TRIM5: variants seen among roughly 807,000 people sequenced by gnomAD.
The protein encoded by TRIM5 is tripartite motif-containing protein 5.
A neutral mutation model predicts 35.6 loss-of-function variants in TRIM5; 31 were observed. The ratio of observed to expected loss-of-function variants is 0.87; its 90% CI spans 0.65 to 1.18. TRIM5 has a LOEUF of 1.18. Among genes scored for constraint, TRIM5 ranks in the 50% most tolerant of loss-of-function variants. TRIM5 has a pLI of 0.00. For missense variants in TRIM5, 609 were observed against 591.6 expected (o/e 1.03, Z -0.31); for synonymous variants, 243 against 215.6 (o/e 1.13, Z -1.11).
the TRIM5 span, among the ~76,000 whole-genome samples, chr11:5,617,663 GTT>G: frequency 7.2e-6 from 1 of 139,588 alleles, no homozygotes; most frequent in Non-Finnish European, 1.6e-5. Context: ...TAATTTTTGT[GTT>G]TTTTAGTAGA....
At chr11:5,605,389 G>A in the TRIM5 span, 27 of 1,614,028 alleles carry the variant, frequency 1.7e-5, no homozygotes, top group African/African-American at 9.3e-5. Flanking sequence ...AATCAGCTGC[G>A]AAATATCCTA....
chr11:5,645,874 A>AT, the TRIM5 span: 1 of 147,620 alleles, frequency 6.8e-6, no homozygotes, highest in Non-Finnish European at 1.2e-5. Context: ...CTGGAAAAAA[A>AT]AAAAAAATAT....
chr11:5,640,306 T>G, the TRIM5 span, among the ~76,000 whole-genome samples: 43 of 152,102 alleles, frequency 2.8e-4, no homozygotes, highest in African/African-American at 9.9e-4. Flanking sequence ...ATTCCAAGTT[T>G]GTTACCATTC....
chr11:5,674,859 G>C (rs1851825306), intron 4 of TRIM5, among the ~76,000 whole-genome samples: 1 of 152,224 alleles, frequency 6.6e-6, no homozygotes, highest in Non-Finnish European at 1.5e-5. Flanking sequence ...CATAAAAGTA[G>C]AGAGTGGAAG....
chr11:5,632,820 TCC>T, the TRIM5 span: 2 of 1,184,312 alleles, frequency 1.7e-6, no homozygotes, highest in Non-Finnish European at 2.2e-6. Flanking sequence ...CACCTTTTCA[TCC>T]TTTTTTTTTT....
At chr11:5,606,444 G>A in the TRIM5 span, among the ~76,000 whole-genome samples, 22,048 of 152,012 alleles carry the variant, frequency 0.15, 2,523 homozygotes, top group East Asian at 0.37. Flanking sequence ...AACCTTCAGA[G>A]TGTAAGATAT....
the TRIM5 span, chr11:5,634,547 A>G: frequency 2.1e-6 from 2 of 965,758 alleles, no homozygotes; most frequent in Non-Finnish European, 3.0e-6. Context: ...ATATATATAT[A>G]TTTCCCTACT....
the TRIM5 span, chr11:5,644,532 T>C: frequency 3.0e-6 from 1 of 332,066 alleles, no homozygotes; most frequent in Non-Finnish European, 5.4e-6. Flanking sequence ...TTTTGTTTTA[T>C]AGAACTTTTT....
In TRIM5 at chr11:5,664,810, C is replaced by T; in HGVS notation, c.1481G>A (p.Ter494=). 1 of 1,583,880 alleles carries T rather than the reference C, an allele frequency of 6.3e-7. No homozygotes were observed. Among genetic ancestry groups the T allele is most frequent in the Non-Finnish European group, 8.6e-7 (1 of 1,167,746 alleles). Residue 494 remains the stop codon, a stop_retained_variant, in exon 8 of 8, where the codon TGA becomes TAA. Transcript: ENST00000380034. Reference sequence around the variant, plus strand: ...AAGGGGCTGAGTGTGTAAGAAGGTTCAAGAGCTTGGTGAGCACAGAGTCAT... The same window carrying T: ...AAGGGGCTGAGTGTGTAAGAAGGTTTAAGAGCTTGGTGAGCACAGAGTCAT... The part of the protein sequence containing the change: ...VPMTLCSPSS[*]
At chr11:5,608,877 G>GT in the TRIM5 span, among the ~76,000 whole-genome samples, 1 of 90,982 alleles carries the variant, frequency 1.1e-5, no homozygotes, top group African/African-American at 4.9e-5. Context: ...TTGAGACAGA[G>GT]TTTCACTCTG....
At chr11:5,623,332 C>G in the TRIM5 span, among the ~76,000 whole-genome samples, 376 of 151,664 alleles carry the variant, frequency 2.5e-3, 9 homozygotes, top group Non-Finnish European at 3.1e-4. Context: ...AATTGCGGTT[C>G]TTGCTATTAT....
the TRIM5 span, chr11:5,642,381 G>A: frequency 2.8e-5 from 45 of 1,606,372 alleles, no homozygotes; most frequent in Admixed American, 3.4e-5. Flanking sequence ...AGATGTGGGG[G>A]TCAAAAAATT....
the TRIM5 span, chr11:5,612,780 TCATA>T: frequency 1.3e-5 from 2 of 152,216 alleles, no homozygotes; most frequent in Non-Finnish European, 2.9e-5. Flanking sequence ...GTTGAGTACT[TCATA>T]CATGCCTAGT....
the TRIM5 span, chr11:5,644,195 CCA>C: frequency 2.5e-6 from 1 of 399,000 alleles, no homozygotes; most frequent in Non-Finnish European, 4.4e-6. Context: ...GATTTTATGT[CCA>C]GAGTATTTGA....
intron 2 of TRIM5, 50 bp downstream of exon 2, chr11:5,679,711 C>T: frequency 6.6e-7 from 1 of 1,506,458 alleles, no homozygotes; most frequent in Admixed American, 2.2e-5. Context: ...TGAAAATTTT[C>T]CATCTGGTCC....
the TRIM5 span, among the ~76,000 whole-genome samples, chr11:5,609,714 A>G: frequency 1.3e-5 from 2 of 152,162 alleles, no homozygotes; most frequent in African/African-American, 4.8e-5. Flanking sequence ...CGAGGTCAGG[A>G]GATCAAAACC....
chr11:5,593,391 A>T, the TRIM5 span, among the ~76,000 whole-genome samples: 2 of 152,186 alleles, frequency 1.3e-5, no homozygotes, highest in African/African-American at 4.8e-5. Context: ...CTGCTTTCAA[A>T]CAAGTTGTAC....
the TRIM5 span, among the ~76,000 whole-genome samples, chr11:5,597,610 T>A: frequency 6.6e-6 from 1 of 152,154 alleles, no homozygotes; most frequent in Non-Finnish European, 1.5e-5. Flanking sequence ...TGCCACCTAT[T>A]TTATTCCACT....
chr11:5,683,163 G>A (rs1332243899), intron 1 of TRIM5, among the ~76,000 whole-genome samples: 1 of 152,222 alleles, frequency 6.6e-6, no homozygotes, highest in Non-Finnish European at 1.5e-5. Flanking sequence ...AGGACCTGCA[G>A]CCCACCATGC....
Sources: gnomAD v4.1 joint callset for allele counts (sites outside exome capture counted in the v4.1 genomes callset) on GRCh38, gnomAD v4.1.1 for gene constraint, MANE v1.5 for transcripts, NCBI Gene and HGNC (gene_info 2026-07-23, HGNC 2026-07-21) for gene names.